Variants in CHST13 observed in about 807,000 individuals in gnomAD.
CHST13 encodes the protein carbohydrate sulfotransferase 13, also known as C4ST-3.
Under a neutral mutation model 7.0 loss-of-function variants are expected in CHST13, and 1 was observed. The observed-to-expected ratio is 0.14, with a 90% CI of 0.05 to 0.68. CHST13 has a LOEUF of 0.68. Among genes scored for constraint, CHST13 ranks in the 30% least tolerant of loss-of-function variants. The pLI is 0.82. For synonymous variants in CHST13, 257 were observed against 240.9 expected, an observed-to-expected ratio of 1.07 and a Z score of -0.62; for missense variants, 572 against 507.9, an observed-to-expected ratio of 1.13 and a Z score of -1.21.
chr3:126,531,017 G>T (rs562023699), intron 1 of CHST13, among the ~76,000 whole-genome samples: 1 of 152,394 alleles, frequency 6.6e-6, no homozygotes, highest in East Asian at 1.9e-4. Context: ...GGGCTTTAGG[G>T]TTCTGGAGGC....
chr3:126,542,252 G>C lies in CHST13; in HGVS notation c.700G>C (p.Asp234His). ...CGCGGAGTTCCTGGCCTACCTGCTG[G>C]ACCCGCGCACGCGGCGTGAGGAGCC... ...RFAEFLAYLL[D>H]PRTRREEPFN... The change falls in exon 3 of 3, where the codon GAC becomes CAC. Residue 234 changes from aspartate to histidine, a missense_variant. By Grantham distance (81) the Asp-to-His change is moderately conservative. Coordinates refer to ENST00000319340, the MANE Select transcript of CHST13 (RefSeq NM_152889.3). The C allele has an allele frequency of 5.8e-6, 9 of 1,541,982 alleles. No homozygotes were observed. The highest frequency in any genetic ancestry group is 6.9e-6 in the Non-Finnish European group (8 of 1,151,446).
chr3:126,529,777 C>T (rs1337446104), intron 1 of CHST13, among the ~76,000 whole-genome samples: 2 of 152,302 alleles, frequency 1.3e-5, no homozygotes. Context: ...CATCCTGTCC[C>T]CCTTCTCTCC....
At chr3:126,541,050 C>T (rs954222540) in intron 2 of CHST13, among the ~76,000 whole-genome samples, 6 of 152,138 alleles carry the variant, frequency 3.9e-5, no homozygotes, top group African/African-American at 1.4e-4. Context: ...GAAGCGCTGG[C>T]CTGGGTCTCT....
chr3:126,531,943 A>G (rs555519946), intron 1 of CHST13, among the ~76,000 whole-genome samples: 2 of 152,324 alleles, frequency 1.3e-5, no homozygotes, highest in East Asian at 1.9e-4. Flanking sequence ...GAGGGCTCCA[A>G]TTTCTCCACA....
chr3:126,541,144 C>T (rs1377419973), intron 2 of CHST13, among the ~76,000 whole-genome samples: 1 of 152,164 alleles, frequency 6.6e-6, no homozygotes, highest in Non-Finnish European at 1.5e-5. Context: ...AGGTTAAAGC[C>T]AGTCGTTGTT....
chr3:126,542,121 G>GC lies in CHST13; in HGVS notation c.573dup (p.Tyr192LeufsTer49). On this transcript the variant is annotated frameshift_variant, in exon 3 of 3. Transcript: ENST00000319340. LOFTEE classifies it low-confidence loss of function (END_TRUNC). The stretch of plus-strand genomic sequence containing the variant: ...TCGGCTTACCGCAACAAGCTCGCGC[G>GC]CCCCTACAGCGCCGCCTTCCAGAGG... The GC allele has an allele frequency of 6.4e-7, 1 of 1,573,306 alleles. No individual in the cohort carries two copies. Among genetic ancestry groups the GC allele is most frequent in the East Asian group, 2.4e-5 (1 of 41,910 alleles).
intron 1 of CHST13, among the ~76,000 whole-genome samples, chr3:126,532,929 T>A (rs1936687601): frequency 6.6e-6 from 1 of 152,218 alleles, no homozygotes; most frequent in African/African-American, 2.4e-5. Flanking sequence ...TTTGGGTCTT[T>A]AATTTCTTTC....
Position 126,542,726 on chromosome 3 carries a change from C to T in CHST13, c.*148C>T, listed in dbSNP as rs1936998855. 48 of 1,238,490 alleles carry T rather than the reference C, an allele frequency of 3.9e-5. No homozygotes were observed. Among genetic ancestry groups the T allele is most frequent in the Non-Finnish European group, 4.8e-5 (46 of 961,266 alleles). 76.7% of individuals were successfully genotyped at this position (1,238,490 alleles called of 1,614,324 possible). ...CCGGGCCAGCGGGCGCAGGGCACAC[C>T]TGGCCAGGCTTGGGGGCAGCCCATC... is the stretch of plus-strand genomic sequence containing the variant. On this transcript the variant is annotated 3_prime_UTR_variant, in exon 3 of 3. Transcript: ENST00000319340.
chr3:126,541,960 C>T lies in CHST13; in HGVS notation c.408C>T (p.Arg136=), dbSNP rs1448432219. ...ALSGQARGDP[R]AISAQEAHAP... ...GCGGCCAAGCCCGCGGCGACCCGCG[C>T]GCCATCTCCGCGCAAGAGGCGCACG... The change falls in exon 3 of 3, where the codon CGC becomes CGT. Residue 136 remains arginine (R), a synonymous_variant. Coordinates refer to ENST00000319340, the MANE Select transcript of CHST13 (RefSeq NM_152889.3). 1.3e-6 allele frequency: 2 copies of T among 1,584,234 alleles called. No homozygotes were observed. Among genetic ancestry groups the T allele is most frequent in the Non-Finnish European group, 1.7e-6 (2 of 1,167,126 alleles).
intron 2 of CHST13, among the ~76,000 whole-genome samples, chr3:126,540,355 A>T (rs72982024): frequency 0.12 from 18,065 of 152,100 alleles, 1,772 homozygotes; most frequent in African/African-American, 0.27. Context: ...GCCCAGTGTC[A>T]GTCCATCAGC....
chr3:126,541,644 C>T, intron 2 of CHST13, 89 bp from the exon 3 acceptor site: 1 of 1,251,110 alleles, frequency 8.0e-7, no homozygotes. Context: ...GCTCCCAATT[C>T]CCGGGCGCAT....
chr3:126,536,358 G>A lies in CHST13; in HGVS notation c.180+5G>A. The A allele has an allele frequency of 6.2e-7, 1 of 1,611,970 alleles. No homozygotes were observed. Among genetic ancestry groups the A allele is most frequent in the African/African-American group, 1.3e-5 (1 of 74,984 alleles). ...AAGCTCTATGACCTGGATCAGGTAG[G>A]TGGACAGACCCTCGACCCAGGCATG... On this transcript the variant is annotated splice_donor_5th_base_variant and intron_variant, in intron 2 of 2. Transcript: ENST00000319340.
intron 1 of CHST13, among the ~76,000 whole-genome samples, chr3:126,526,187 T>C (rs1936533696): frequency 6.6e-6 from 1 of 152,196 alleles, no homozygotes; most frequent in Non-Finnish European, 1.5e-5. Context: ...CACACTGGCT[T>C]TTCTCTCTCC....
In CHST13 at chr3:126,542,721, C is replaced by A; in HGVS notation, c.*143C>A. ...GGCCGCCGGGCCAGCGGGCGCAGGG[C>A]ACACCTGGCCAGGCTTGGGGGCAGC... On this transcript the variant is annotated 3_prime_UTR_variant, in exon 3 of 3. Coordinates refer to ENST00000319340, the MANE Select transcript of CHST13 (RefSeq NM_152889.3). 1 of 1,250,158 alleles carries A rather than the reference C, an allele frequency of 8.0e-7. No homozygotes were observed. Among genetic ancestry groups the A allele is most frequent in the Non-Finnish European group, 1.0e-6 (1 of 970,498 alleles). 77.4% of individuals were successfully genotyped at this position (1,250,158 alleles called of 1,614,324 possible).
At chr3:126,531,215 A>G (rs1936653028) in intron 1 of CHST13, among the ~76,000 whole-genome samples, 1 of 152,124 alleles carries the variant, frequency 6.6e-6, no homozygotes, top group Admixed American at 6.5e-5. Flanking sequence ...CCCCCAACCT[A>G]CTGGACCAGA....
At position 126,541,885 on chromosome 3, in the gene CHST13, C is replaced by G; in HGVS notation, c.333C>G (p.Tyr111Ter). Residue 111 changes from tyrosine (Y) to a stop codon, truncating the protein, a stop_gained, in exon 3 of 3, where the codon TAC (tyrosine) becomes TAG (stop). Transcript: ENST00000319340. LOFTEE classifies it low-confidence loss of function (END_TRUNC). ...ACGCGCATGGCCTGCTCTACTGCTA[C>G]GTGCCCAAGGTGGCCTGCACCAACT... is the stretch of plus-strand genomic sequence containing the variant. Reference protein sequence around the residue: ...VDDAHGLLYCYVPKVACTNWK... With the variant: ...VDDAHGLLYC 1 of 1,600,280 alleles carries G rather than the reference C, an allele frequency of 6.2e-7. No homozygotes were observed. The highest frequency in any genetic ancestry group is 8.5e-7 in the Non-Finnish European group (1 of 1,173,988).
chr3:126,538,251 C>T (rs904230589), intron 2 of CHST13, among the ~76,000 whole-genome samples: 6 of 152,266 alleles, frequency 3.9e-5, no homozygotes, highest in Non-Finnish European at 8.8e-5. Flanking sequence ...TGCCCACCAT[C>T]GTCCTCCGGA....
At chr3:126,532,416 G>A (rs1001852940) in intron 1 of CHST13, among the ~76,000 whole-genome samples, 1 of 152,084 alleles carries the variant, frequency 6.6e-6, no homozygotes, top group African/African-American at 2.4e-5. Context: ...AATGTTTGGG[G>A]CTATGATCCA....
chr3:126,542,630 C>A lies in CHST13; in HGVS notation c.*52C>A, dbSNP rs1936993120. On this transcript the variant is annotated 3_prime_UTR_variant, in exon 3 of 3. Transcript: ENST00000319340. Reference sequence around the variant, plus strand: ...GGGGCAAGTGCCTTTCCGACAAGACCCCCGGGGAATGCAGGTGCTGCCGGC... The same window carrying A: ...GGGGCAAGTGCCTTTCCGACAAGACACCCGGGGAATGCAGGTGCTGCCGGC... The A allele has an allele frequency of 1.4e-6, 2 of 1,419,912 alleles. No homozygotes were observed. The highest frequency in any genetic ancestry group is 1.8e-6 in the Non-Finnish European group (2 of 1,087,108). 88.0% of individuals were successfully genotyped at this position (1,419,912 alleles called of 1,614,324 possible). A position where few individuals can be genotyped will look rare whatever the true frequency, so the allele number is the denominator to read the frequency against.
Sources: allele counts gnomAD v4.1 joint callset (sites outside exome capture counted in the v4.1 genomes callset), GRCh38; gene constraint gnomAD v4.1.1; transcripts MANE v1.5; gene names NCBI Gene and HGNC (gene_info 2026-07-23, HGNC 2026-07-21).